PLD3: variants seen among roughly 807,000 people sequenced by gnomAD.
The protein encoded by PLD3 is phospholipase D family member 3, also known as 5'-3' exonuclease PLD3.
In PLD3, 31 loss-of-function variants were observed where a neutral mutation model predicts 58.4. That is an observed-to-expected ratio of 0.53 (90% CI 0.40 to 0.72). The LOEUF is 0.72. Ranked by LOEUF, PLD3 falls within the 30% of genes least tolerant of loss-of-function variation. The pLI, the probability that PLD3 is intolerant of heterozygous loss-of-function variation, is 0.00. For synonymous variants in PLD3, 264 were observed against 273.4 expected, an observed-to-expected ratio of 0.97 and a Z score of 0.34; for missense variants, 595 against 659.8, an observed-to-expected ratio of 0.90 and a Z score of 1.08.
intron 4 of PLD3, 24 bp downstream of exon 4, chr19:40,366,708 C>G: frequency 6.2e-7 from 1 of 1,613,856 alleles, no homozygotes; most frequent in African/African-American, 1.3e-5. Context: ...GCCACCCTCG[C>G]TCTGTCTCAG....
intron 9 of PLD3, among the ~76,000 whole-genome samples, chr19:40,374,158 T>G (rs771665102): frequency 5.3e-5 from 8 of 152,122 alleles, no homozygotes; most frequent in Non-Finnish European, 8.8e-5. Flanking sequence ...TCTAACAAGT[T>G]CCCAGGTGAT....
At chr19:40,371,076 C>G (rs1805222241) in intron 8 of PLD3, among the ~76,000 whole-genome samples, 1 of 152,202 alleles carries the variant, frequency 6.6e-6, no homozygotes, top group Admixed American at 6.5e-5. Context: ...TATAACTAAT[C>G]TGATCCCTGA....
Position 40,376,670 on chromosome 19 carries a change from C to T in PLD3, c.1081C>T (p.Arg361Cys), listed in dbSNP as rs940601505. Residue 361 changes from arginine to cysteine, a missense_variant, in exon 11 of 13, where the codon CGC (arginine) becomes TGC (cysteine). Physicochemically the swap from Arg to Cys is radical, Grantham distance 180 (BLOSUM62 -3). Transcript: ENST00000409735. ...CACCTACGAGCGTGGCGTCAAGGTG[C>T]GCCTGCTCATCAGCTGCTGGGGACA... ...RATYERGVKV[R>C]LLISCWGHSE... The T allele has an allele frequency of 6.2e-6, 10 of 1,606,646 alleles. No homozygotes were observed. In the South Asian group the frequency reaches 6.6e-5, roughly 11 times the overall value.
rs2078871215 is a variant in PLD3 at position 40,364,674 on chromosome 19, T to TA, written c.-278-1043dup. ...AGCCGGGCATGGTGGCGGGCGCCTG[T>TA]AGTCCCAGCTACTCGGGAAGCTGAG... On this transcript the variant is annotated intron_variant, in intron 1 of 12. Coordinates refer to ENST00000409735, the MANE Select transcript of PLD3 (RefSeq NM_012268.4). 2.0e-5 allele frequency among the ~76,000 whole-genome samples: 3 copies of TA among 151,392 alleles called. No homozygotes were observed. In the South Asian group the frequency reaches 6.3e-4, roughly 32 times the overall value.
chr19:40,371,830 T>C lies in PLD3; in HGVS notation c.836T>C (p.Met279Thr). 6.2e-7 allele frequency: 1 copy of C among 1,614,060 alleles called. No homozygotes were observed. The highest frequency in any genetic ancestry group is 8.5e-7 in the Non-Finnish European group (1 of 1,179,984). The change falls in exon 9 of 13, where the codon ATG becomes ACG. Residue 279 changes from methionine (M) to threonine (T), a missense_variant. Met to Thr is a moderately conservative substitution (Grantham distance 81). Transcript: ENST00000409735. ...YDTRYNQETP[M>T]EICLNGTPAL... ...ACCCGCTACAACCAAGAGACACCAA[T>C]GGAGATCTGCCTCAATGGAACCCCT...
chr19:40,376,709 A>G lies in PLD3; in HGVS notation c.1120A>G (p.Met374Val), dbSNP rs201619919. Reference protein sequence around the residue: ...ISCWGHSEPSMRAFLLSLAAL... With the variant: ...ISCWGHSEPSVRAFLLSLAAL... Reference sequence around the variant, plus strand: ...CTGCTGGGGACACTCGGAGCCATCCATGCGGGCCTTCCTGCTCTCTCTGGC... The same window carrying G: ...CTGCTGGGGACACTCGGAGCCATCCGTGCGGGCCTTCCTGCTCTCTCTGGC... Residue 374 changes from methionine to valine, a missense_variant, in exon 11 of 13, where the codon ATG (methionine) becomes GTG (valine). Physicochemically the swap from Met to Val is conservative, Grantham distance 21 (BLOSUM62 1). Transcript: ENST00000409735. The G allele has an allele frequency of 5.0e-6, 8 of 1,603,610 alleles. No individual in the cohort carries two copies. In the South Asian group the frequency reaches 5.5e-5, roughly 11 times the overall value.
intron 1 of PLD3, among the ~76,000 whole-genome samples, chr19:40,352,142 T>A (rs12460489): frequency 2.7e-4 from 41 of 151,722 alleles, no homozygotes; most frequent in Non-Finnish European, 4.9e-4. Context: ...GCGTTGTGGC[T>A]TGTGCCTGTA....
At chr19:40,372,498 T>C (rs2079090276) in intron 9 of PLD3, among the ~76,000 whole-genome samples, 3 of 147,306 alleles carry the variant, frequency 2.0e-5, no homozygotes, top group Admixed American at 1.4e-4. Context: ...CAAAAAAAAA[T>C]TGTTTCAAGC....
chr19:40,352,824 A>G, intron 1 of PLD3, among the ~76,000 whole-genome samples: 1 of 151,996 alleles, frequency 6.6e-6, no homozygotes, highest in African/African-American at 2.4e-5. Context: ...CTAGCTGGGC[A>G]TGGTGGCACA....
At chr19:40,349,396 T>C (rs1468804650) in intron 1 of PLD3, among the ~76,000 whole-genome samples, 3 of 152,236 alleles carry the variant, frequency 2.0e-5, no homozygotes, top group African/African-American at 7.2e-5. Context: ...GTTATTTTTC[T>C]TCCCTCCGTG....
At chr19:40,351,447 A>G (rs993056056) in intron 1 of PLD3, among the ~76,000 whole-genome samples, 1 of 152,092 alleles carries the variant, frequency 6.6e-6, no homozygotes, top group Non-Finnish European at 1.5e-5. Context: ...CAGGAGGCTG[A>G]GGCAGGAGAA....
intron 1 of PLD3, chr19:40,358,979 A>G (rs2078716557): frequency 6.6e-6 from 1 of 152,174 alleles, no homozygotes; most frequent in South Asian, 2.1e-4. Context: ...ACTAGGGGGT[A>G]TTCTGTGGGC....
At chr19:40,377,723 T>C in intron 11 of PLD3, 63 bp from the exon 12 acceptor site, 3 of 1,188,396 alleles carry the variant, frequency 2.5e-6, no homozygotes, top group Non-Finnish European at 3.7e-6. Context: ...TGCTCCCTGA[T>C]CCCGGGGCTC....
At chr19:40,372,191 C>T (rs2079082861) in intron 9 of PLD3, among the ~76,000 whole-genome samples, 1 of 152,176 alleles carries the variant, frequency 6.6e-6, no homozygotes, top group Admixed American at 6.6e-5. Context: ...TAATTAAATG[C>T]AATTAACAAT....
chr19:40,365,411 C>T (rs1174143292), intron 1 of PLD3: 1 of 152,228 alleles, frequency 6.6e-6, no homozygotes, highest in African/African-American at 2.4e-5. Context: ...TCTCCTCTGA[C>T]CTTTTCTTCC....
At chr19:40,376,558 G>A (rs1568683978) in intron 10 of PLD3, 51 bp from the exon 11 acceptor site, 1 of 1,566,104 alleles carries the variant, frequency 6.4e-7, no homozygotes, top group Non-Finnish European at 8.7e-7. Flanking sequence ...AAAGCCTGTG[G>A]ACACAGCCGC....
chr19:40,357,313 A>G (rs2078677340), intron 1 of PLD3: 1 of 152,150 alleles, frequency 6.6e-6, no homozygotes, highest in Non-Finnish European at 1.5e-5. Context: ...CTAGTCTCGA[A>G]CTGCTGGGCT....
chr19:40,349,761 C>G (rs960588913), intron 1 of PLD3, among the ~76,000 whole-genome samples: 4 of 151,238 alleles, frequency 2.6e-5, no homozygotes, highest in Admixed American at 1.3e-4. Flanking sequence ...GAGTTCGAGA[C>G]CAGCCTGATC....
intron 1 of PLD3, among the ~76,000 whole-genome samples, chr19:40,355,556 C>T (rs1196407668): frequency 6.6e-6 from 1 of 150,950 alleles, no homozygotes; most frequent in African/African-American, 2.4e-5. Context: ...AGATGATCCG[C>T]CTGCCTCAGC....
Sources: allele counts gnomAD v4.1 joint callset (sites outside exome capture counted in the v4.1 genomes callset), GRCh38; gene constraint gnomAD v4.1.1; transcripts MANE v1.5; gene names NCBI Gene and HGNC (gene_info 2026-07-23, HGNC 2026-07-21).